Variants in CDH13 observed in about 807,000 individuals in gnomAD.
CDH13 encodes cadherin-13.
In CDH13, 24 loss-of-function variants were observed where a neutral mutation model predicts 63.8. The ratio of observed to expected loss-of-function variants is 0.38; its 90% CI spans 0.27 to 0.53. The LOEUF (loss-of-function observed/expected upper bound fraction) is 0.53. Among genes scored for constraint, CDH13 ranks in the 20% least tolerant of loss-of-function variants. CDH13 has a pLI of 0.85. For missense variants in CDH13, 1,049 were observed against 903.1 expected, an observed-to-expected ratio of 1.16 and a Z score of -2.07; for synonymous variants, 503 against 355.3, an observed-to-expected ratio of 1.42 and a Z score of -4.67.
chr16:83,493,575 G>A (rs1216357117), intron 7 of CDH13, among the ~76,000 whole-genome samples: 1 of 152,194 alleles, frequency 6.6e-6, no homozygotes, highest in African/African-American at 2.4e-5. Flanking sequence ...CGTGGGGAAA[G>A]GAGTGGCATG....
At chr16:83,604,628 T>C (rs1908158284) in intron 8 of CDH13, among the ~76,000 whole-genome samples, 1 of 152,246 alleles carries the variant, frequency 6.6e-6, no homozygotes, top group Non-Finnish European at 1.5e-5. Context: ...GGCTACCTTA[T>C]ATGGCTTATG....
At chr16:83,522,043 G>A (rs1452013458) in intron 7 of CDH13, among the ~76,000 whole-genome samples, 1 of 152,178 alleles carries the variant, frequency 6.6e-6, no homozygotes, top group East Asian at 1.9e-4. Flanking sequence ...GCATTCGGGT[G>A]CCAGGCCACC....
intron 4 of CDH13, among the ~76,000 whole-genome samples, chr16:83,168,679 AT>A (rs529638707): frequency 5.9e-4 from 89 of 152,096 alleles, no homozygotes; most frequent in African/African-American, 2.0e-3. Context: ...TTTTACTTCT[AT>A]TTTTTTCTAT....
At chr16:83,215,989 C>T (rs900279928) in intron 4 of CDH13, among the ~76,000 whole-genome samples, 9 of 149,524 alleles carry the variant, frequency 6.0e-5, no homozygotes, top group South Asian at 2.1e-4. Flanking sequence ...AAAAGACCAC[C>T]CCCCATACTT....
intron 1 of CDH13, among the ~76,000 whole-genome samples, chr16:82,786,588 G>A (rs1342964229): frequency 6.6e-6 from 1 of 151,678 alleles, no homozygotes; most frequent in African/African-American, 2.4e-5. Context: ...CATGTGCCAT[G>A]TTGGTGTGCT....
At chr16:83,660,825 A>C (rs888222393) in intron 8 of CDH13, among the ~76,000 whole-genome samples, 3 of 152,252 alleles carry the variant, frequency 2.0e-5, no homozygotes, top group Admixed American at 1.3e-4. Flanking sequence ...TTGTCAGATG[A>C]ACAAATGTGT....
rs141860784 is a variant in CDH13, at chr16:83,271,963, C to T, written c.636+54466C>T. 2.8e-3 allele frequency among the ~76,000 whole-genome samples: 427 copies of T among 152,302 alleles called. 1 individual carries two copies. The highest frequency in any genetic ancestry group is 9.6e-3 in the African/African-American group (397 of 41,554). On this transcript the variant is annotated intron_variant, in intron 5 of 13. Transcript: ENST00000567109. The stretch of plus-strand genomic sequence containing the variant: ...ATTACTTTTGATCCAATACATCTCA[C>T]ATATCATAATGGTAATAAACATTTG...
intron 7 of CDH13, among the ~76,000 whole-genome samples, chr16:83,535,630 G>C (rs1033495170): frequency 2.6e-5 from 4 of 152,186 alleles, no homozygotes. Context: ...ATGGTGCTGG[G>C]AATGAAATGC....
intron 1 of CDH13, among the ~76,000 whole-genome samples, chr16:82,785,189 T>A (rs2035946990): frequency 6.6e-6 from 1 of 151,992 alleles, no homozygotes; most frequent in Non-Finnish European, 1.5e-5. Flanking sequence ...AGATAGATTG[T>A]TGAAATAGGA....
chr16:82,988,618 G>A (rs1000402336), intron 2 of CDH13, among the ~76,000 whole-genome samples: 1 of 151,970 alleles, frequency 6.6e-6, no homozygotes, highest in East Asian at 1.9e-4. Context: ...AAAATTAGCT[G>A]GGCATGTTGG....
chr16:82,656,284 G>A (rs1033666534), intron 1 of CDH13, among the ~76,000 whole-genome samples: 1 of 151,746 alleles, frequency 6.6e-6, no homozygotes, highest in Non-Finnish European at 1.5e-5. Context: ...AGAGGCTGGA[G>A]TGCACCTGGT....
chr16:83,667,993 C>A lies in CDH13; in HGVS notation c.1102-2797C>A, dbSNP rs28523868. ...AATAAATTTTTTAAAGCACATTACTCTATTATGATAGGAGGGGTTGATGAA... is the reference window on the plus strand; with the variant it reads ...AATAAATTTTTTAAAGCACATTACTATATTATGATAGGAGGGGTTGATGAA... On this transcript the variant is annotated intron_variant, in intron 8 of 13. Coordinates refer to ENST00000567109, the MANE Select transcript of CDH13 (RefSeq NM_001257.5). Among the ~76,000 whole-genome samples the A allele has an allele frequency of 6.7e-3, 1,027 of 152,236 alleles. 9 individuals are homozygous for A. Among genetic ancestry groups the A allele is most frequent in the African/African-American group, 0.024 (981 of 41,536 alleles).
chr16:83,409,183 C>T (rs931838356), intron 6 of CDH13, among the ~76,000 whole-genome samples: 1 of 152,076 alleles, frequency 6.6e-6, no homozygotes, highest in Non-Finnish European at 1.5e-5. Context: ...GAGACTGGAG[C>T]ATCGTCCCAC....
intron 3 of CDH13, among the ~76,000 whole-genome samples, chr16:83,044,648 G>C (rs963645083): frequency 4.6e-5 from 7 of 152,168 alleles, no homozygotes; most frequent in African/African-American, 1.7e-4. Context: ...GTTTATATAT[G>C]CATTACCCGA....
intron 3 of CDH13, among the ~76,000 whole-genome samples, chr16:83,116,806 C>A (rs2035321136): frequency 6.6e-6 from 1 of 152,176 alleles, no homozygotes; most frequent in Non-Finnish European, 1.5e-5. Context: ...TAAAATACTG[C>A]AGGCGAGAGG....
chr16:83,298,201 C>G (rs2089649308), intron 5 of CDH13, among the ~76,000 whole-genome samples: 1 of 151,938 alleles, frequency 6.6e-6, no homozygotes, highest in Admixed American at 6.6e-5. Context: ...AATGATCGCC[C>G]CACTGCACTC....
At chr16:83,224,941 C>G (rs1266813748) in intron 5 of CDH13, among the ~76,000 whole-genome samples, 1 of 152,200 alleles carries the variant, frequency 6.6e-6, no homozygotes, top group Non-Finnish European at 1.5e-5. Flanking sequence ...TGTGAGGGAG[C>G]AGCTAGCAGG....
intron 2 of CDH13, among the ~76,000 whole-genome samples, chr16:82,903,356 G>T (rs1022609410): frequency 2.0e-5 from 3 of 152,200 alleles, no homozygotes; most frequent in Non-Finnish European, 2.9e-5. Context: ...CTCTTTGGAG[G>T]CTGGGTTGGT....
At chr16:83,074,117 CT>C (rs2032649482) in intron 3 of CDH13, among the ~76,000 whole-genome samples, 1 of 152,150 alleles carries the variant, frequency 6.6e-6, no homozygotes, top group Non-Finnish European at 1.5e-5. Context: ...TTGTACTTAA[CT>C]AATTTCTCTT....
Sources: gnomAD v4.1 joint callset for allele counts (sites outside exome capture counted in the v4.1 genomes callset) on GRCh38, gnomAD v4.1.1 for gene constraint, MANE v1.5 for transcripts, NCBI Gene and HGNC (gene_info 2026-07-23, HGNC 2026-07-21) for gene names.